PACSIN2: variants seen among roughly 807,000 people sequenced by gnomAD.
PACSIN2 encodes the protein protein kinase C and casein kinase substrate in neurons protein 2.
PACSIN2 carries 25 observed loss-of-function variants against 63.8 expected under a neutral mutation model. That is an observed-to-expected ratio of 0.39 (90% CI 0.29 to 0.55). The LOEUF (loss-of-function observed/expected upper bound fraction) is 0.55. Among genes scored for constraint, PACSIN2 ranks in the 20% least tolerant of loss-of-function variants. The pLI, the probability that PACSIN2 is intolerant of heterozygous loss-of-function variation, is 0.62. For synonymous variants in PACSIN2, 255 were observed against 256.2 expected (o/e 1.00, Z 0.05); for missense variants, 518 against 646.9 (o/e 0.80, Z 2.16).
chr22:42,982,891 C>CAAAAAAAAAA (rs1227335781), intron 1 of PACSIN2, among the ~76,000 whole-genome samples: 3 of 82,732 alleles, frequency 3.6e-5, no homozygotes, highest in South Asian at 4.2e-4. Flanking sequence ...AAAAAAAAAA[C>CAAAAAAAAAA]AACAACAAGG....
chr22:42,911,329 G>A (rs796262142), intron 2 of PACSIN2, among the ~76,000 whole-genome samples: 3 of 151,116 alleles, frequency 2.0e-5, no homozygotes, highest in African/African-American at 4.9e-5. Flanking sequence ...AGGATGGCTT[G>A]AGCCCAGGAG....
intron 1 of PACSIN2, among the ~76,000 whole-genome samples, chr22:42,920,505 T>C (rs1356927207): frequency 2.0e-5 from 3 of 152,320 alleles, no homozygotes; most frequent in Middle Eastern, 3.4e-3. Flanking sequence ...GTGTCACTTT[T>C]TGGAAAGAAA....
chr22:42,939,836 TG>T (rs1014888803), intron 1 of PACSIN2, among the ~76,000 whole-genome samples: 1 of 152,246 alleles, frequency 6.6e-6, no homozygotes, highest in Non-Finnish European at 1.5e-5. Flanking sequence ...TCTAGTCATT[TG>T]CTTCTTCGCT....
At chr22:42,908,318 C>A (rs550978772) in intron 2 of PACSIN2, among the ~76,000 whole-genome samples, 1 of 152,184 alleles carries the variant, frequency 6.6e-6, no homozygotes, top group South Asian at 2.1e-4. Context: ...ATGCAGGCAG[C>A]GGCTCTCAGC....
intron 1 of PACSIN2, among the ~76,000 whole-genome samples, chr22:42,993,459 A>AT (rs1279721597): frequency 3.3e-5 from 5 of 152,256 alleles, no homozygotes; most frequent in African/African-American, 1.2e-4. Flanking sequence ...GCAGAATAAC[A>AT]TAAGACTGCT....
At chr22:42,878,246 C>T (rs1481236583) in intron 8 of PACSIN2, among the ~76,000 whole-genome samples, 1 of 152,246 alleles carries the variant, frequency 6.6e-6, no homozygotes, top group Non-Finnish European at 1.5e-5. Context: ...CTGGGACAGG[C>T]ACTTACTGCC....
chr22:42,877,955 G>C (rs1321332482), intron 8 of PACSIN2, among the ~76,000 whole-genome samples: 3 of 152,246 alleles, frequency 2.0e-5, no homozygotes, highest in Non-Finnish European at 4.4e-5. Context: ...ATGCCACCAG[G>C]GTGATCCTGA....
At chr22:42,990,585 G>A (rs1479455103) in intron 1 of PACSIN2, among the ~76,000 whole-genome samples, 1 of 152,198 alleles carries the variant, frequency 6.6e-6, no homozygotes, top group Non-Finnish European at 1.5e-5. Context: ...TGAAGGATGA[G>A]TTCAGCAGGC....
In PACSIN2 at chr22:42,882,302, T is replaced by C; in HGVS notation, c.788A>G (p.Tyr263Cys). ...CTCCAGGTCATGGTAAATGGCTTTG[T>C]AGCTAAATCAGAGAGAAACGTGGCT... ...KHLDLSNVAGYKAIYHDLEQS... is the reference protein window; with the variant it reads ...KHLDLSNVAGCKAIYHDLEQS... The change falls in exon 7 of 11, where the codon TAC becomes TGC. Residue 263 changes from tyrosine (Y) to cysteine (C), a missense_variant and splice_region_variant. Transcript: ENST00000263246. 1.2e-6 allele frequency: 2 copies of C among 1,607,972 alleles called. No individual in the cohort carries two copies. Among genetic ancestry groups the C allele is most frequent in the Non-Finnish European group, 1.7e-6 (2 of 1,176,336 alleles).
chr22:42,919,794 A>AAAAAAAAG (rs1932060166), intron 1 of PACSIN2, among the ~76,000 whole-genome samples: 9 of 105,282 alleles, frequency 8.5e-5, no homozygotes, highest in African/African-American at 3.9e-4. Flanking sequence ...AAAAAAAAAA[A>AAAAAAAAG]AAAGAAAGAA....
At chr22:42,935,446 G>A (rs957376392) in intron 1 of PACSIN2, among the ~76,000 whole-genome samples, 27 of 152,084 alleles carry the variant, frequency 1.8e-4, no homozygotes, top group African/African-American at 6.5e-4. Context: ...CCAGACTCAT[G>A]GTCTTGTCTA....
At chr22:42,955,640 T>C (rs988823954) in intron 1 of PACSIN2, among the ~76,000 whole-genome samples, 1 of 152,254 alleles carries the variant, frequency 6.6e-6, no homozygotes, top group Non-Finnish European at 1.5e-5. Flanking sequence ...TCGAGTTCAA[T>C]GTGAAGTATG....
chr22:42,992,703 C>A (rs1433067883), intron 1 of PACSIN2, among the ~76,000 whole-genome samples: 1 of 152,114 alleles, frequency 6.6e-6, no homozygotes, highest in Non-Finnish European at 1.5e-5. Context: ...GTGATTACAC[C>A]AAGTGGAAAC....
intron 1 of PACSIN2, among the ~76,000 whole-genome samples, chr22:42,943,487 G>C (rs1933269384): frequency 6.6e-6 from 1 of 152,198 alleles, no homozygotes; most frequent in South Asian, 2.1e-4. Flanking sequence ...TAGGAAGAAA[G>C]CTTTTAGTCT....
chr22:42,992,702 C>T (rs1923122818), intron 1 of PACSIN2, among the ~76,000 whole-genome samples: 1 of 152,130 alleles, frequency 6.6e-6, no homozygotes, highest in South Asian at 2.1e-4. Flanking sequence ...TGTGATTACA[C>T]CAAGTGGAAA....
intron 1 of PACSIN2, among the ~76,000 whole-genome samples, chr22:42,988,594 T>C (rs1429991583): frequency 6.6e-6 from 1 of 152,182 alleles, no homozygotes; most frequent in East Asian, 1.9e-4. Context: ...AAGAAAATAA[T>C]GTAGCCACAG....
chr22:42,876,046 G>C (rs1479375680), intron 10 of PACSIN2, 91 bp downstream of exon 10: 2 of 1,128,824 alleles, frequency 1.8e-6, no homozygotes, highest in Non-Finnish European at 2.5e-6. Context: ...AAACTAGCAA[G>C]AACTTTTCCA....
At chr22:42,909,554 A>G in intron 2 of PACSIN2, 2 of 471,178 alleles carry the variant, frequency 4.2e-6, no homozygotes, top group Non-Finnish European at 8.8e-6. Context: ...AGCACTGCGG[A>G]GTTGATACCA....
chr22:42,965,842 T>C (rs7291276), intron 1 of PACSIN2, among the ~76,000 whole-genome samples: 6,206 of 152,302 alleles, frequency 0.041, 175 homozygotes, highest in Non-Finnish European at 0.06. Context: ...AAATTTAATA[T>C]GATAATTTAA....
Sources: allele counts gnomAD v4.1 joint callset (sites outside exome capture counted in the v4.1 genomes callset), GRCh38; gene constraint gnomAD v4.1.1; transcripts MANE v1.5; gene names NCBI Gene and HGNC (gene_info 2026-07-23, HGNC 2026-07-21).